The following COL27A1 variants were observed in gnomAD, a reference collection of about 807,000 sequenced individuals.
COL27A1 encodes the protein collagen alpha-1(XXVII) chain.
COL27A1 carries 106 observed loss-of-function variants against 251.3 expected under a neutral mutation model. That is an observed-to-expected ratio of 0.42 (90% CI 0.36 to 0.50). The LOEUF (loss-of-function observed/expected upper bound fraction) is 0.50, where lower values mean the gene tolerates loss of function less well. Ranked by LOEUF, COL27A1 falls within the 20% of genes least tolerant of loss-of-function variation. The probability of loss-of-function intolerance (pLI) is 0.00; values close to 1 mark genes in which losing one functional copy is unlikely to be tolerated. For synonymous variants in COL27A1, 1,000 were observed against 986.3 expected, an observed-to-expected ratio of 1.01 and a Z score of -0.26; for missense variants, 2,325 against 2,522.8, an observed-to-expected ratio of 0.92 and a Z score of 1.68.
intron 22 of COL27A1, among the ~76,000 whole-genome samples, chr9:114,242,440 C>T (rs1832823430): frequency 6.6e-6 from 1 of 152,258 alleles, no homozygotes; most frequent in South Asian, 2.1e-4. Flanking sequence ...CCAGGTGCTT[C>T]ATGTCAGTAT....
At chr9:114,299,340 C>G (rs1307252966) in intron 49 of COL27A1, among the ~76,000 whole-genome samples, 1 of 152,216 alleles carries the variant, frequency 6.6e-6, no homozygotes, top group African/African-American at 2.4e-5. Context: ...GAAGGCCAAG[C>G]CCCAAGAATG....
At chr9:114,268,453 G>A (rs754170027) in intron 34 of COL27A1, among the ~76,000 whole-genome samples, 2 of 152,176 alleles carry the variant, frequency 1.3e-5, no homozygotes, top group Admixed American at 6.5e-5. Context: ...TATGCAGGGG[G>A]CAGGTGACAT....
intron 57 of COL27A1, 93 bp downstream of exon 57, chr9:114,304,766 C>T (rs1828910289): frequency 9.3e-7 from 1 of 1,073,776 alleles, no homozygotes; most frequent in South Asian, 1.3e-5. Flanking sequence ...TCCATGTGGC[C>T]TGCATGGAGC....
chr9:114,177,281 TAAAGAG>T (rs1588592862), intron 3 of COL27A1, among the ~76,000 whole-genome samples: 2 of 152,314 alleles, frequency 1.3e-5, no homozygotes, highest in East Asian at 3.9e-4. Context: ...CCTTCCTGTG[TAAAGAG>T]AAAAGAGATG....
chr9:114,207,066 C>G (rs564162159), intron 10 of COL27A1, among the ~76,000 whole-genome samples: 1 of 152,332 alleles, frequency 6.6e-6, no homozygotes, highest in African/African-American at 2.4e-5. Context: ...TTACACTGCA[C>G]GCCTAAGGCG....
At chr9:114,196,526 A>G (rs1289076549) in intron 7 of COL27A1, among the ~76,000 whole-genome samples, 1 of 152,212 alleles carries the variant, frequency 6.6e-6, no homozygotes. Context: ...CCCTGGGGTC[A>G]GTTGGACCTG....
rs796293254 is a variant in COL27A1, at chr9:114,269,634, A to AAAAAAAAG, written c.3555+342_3555+343insAAAAAGAA. Among the ~76,000 whole-genome samples, 292 of 114,334 alleles carry AAAAAAAAG rather than the reference A, an allele frequency of 2.6e-3. 11 individuals carry two copies. Among genetic ancestry groups the AAAAAAAAG allele is most frequent in the African/African-American group, 7.2e-3 (170 of 23,460 alleles). The allele number at this position is 114,334 out of a possible 152,430, so 75.0% of individuals were successfully genotyped here. A position where few individuals can be genotyped will look rare whatever the true frequency, so the allele number is the denominator to read the frequency against. On this transcript the variant is annotated intron_variant, in intron 35 of 60. Transcript: ENST00000356083. ...CATCTCAAAAAAAAAAAAAAAAAAA[A>AAAAAAAAG]AAGAAGAAGAAGGATGTTGAGGTTC... is the stretch of plus-strand genomic sequence containing the variant.
chr9:114,265,567 G>A, intron 32 of COL27A1, 92 bp downstream of exon 32: 3 of 1,328,546 alleles, frequency 2.3e-6, no homozygotes, highest in Non-Finnish European at 3.2e-6. Context: ...GGTTGGAAAG[G>A]GACCATGCCT....
At chr9:114,303,937 C>T (rs1229853567) in intron 56 of COL27A1, among the ~76,000 whole-genome samples, 3 of 152,274 alleles carry the variant, frequency 2.0e-5, no homozygotes, top group Non-Finnish European at 4.4e-5. Context: ...CCCATCACAA[C>T]TGACATCTAT....
At position 114,168,718 on chromosome 9, in the gene COL27A1, C is replaced by T. The variant is rs150803564; in HGVS notation, c.1163C>T (p.Thr388Ile). 645 of 1,614,062 alleles carry T rather than the reference C, an allele frequency of 4.0e-4. 4 individuals are homozygous for T. In the East Asian group the frequency reaches 0.013, roughly 32 times the overall value. The change falls in exon 3 of 61, where the codon ACC (threonine) becomes ATC (isoleucine). Residue 388 changes from threonine to isoleucine, a missense_variant. Thr to Ile is a moderately conservative substitution (Grantham distance 89). Coordinates refer to ENST00000356083, the MANE Select transcript of COL27A1 (RefSeq NM_032888.4). ...SIVPIKSPHP[T>I]QKTAPSSFTK... is the part of the protein sequence containing the mutation. ...GTGCCCATCAAAAGCCCCCATCCTA[C>T]CCAGAAAACAGCTCCATCTTCATTT...
At chr9:114,212,914 T>G (rs1830459554) in intron 12 of COL27A1, among the ~76,000 whole-genome samples, 1 of 152,188 alleles carries the variant, frequency 6.6e-6, no homozygotes, top group Non-Finnish European at 1.5e-5. Flanking sequence ...GGATTTGACT[T>G]GCTTAGGCGA....
At chr9:114,155,388 T>C (rs540246330), upstream of COL27A1, among the ~76,000 whole-genome samples, 495 of 152,090 alleles carry the variant, frequency 3.3e-3, 5 homozygotes, top group African/African-American at 0.011. This position sits in a 1 kb window ranked among gnomAD's most constrained non-coding sequence, Gnocchi z 5.5. Flanking sequence ...CCATCGGGGC[T>C]GTAGTGGGCC....
At chr9:114,242,675 A>G (rs7875437) in intron 22 of COL27A1, among the ~76,000 whole-genome samples, 39,573 of 152,172 alleles carry the variant, frequency 0.26, 5,938 homozygotes, top group Middle Eastern at 0.39. Flanking sequence ...CCAGCAGCTC[A>G]TGAAATTTCT....
chr9:114,298,958 G>A (rs1033241453), intron 49 of COL27A1, among the ~76,000 whole-genome samples: 3 of 151,972 alleles, frequency 2.0e-5, no homozygotes, highest in East Asian at 1.9e-4. Flanking sequence ...AATTTAAAAC[G>A]GACAAAGTAT....
intron 27 of COL27A1, among the ~76,000 whole-genome samples, chr9:114,254,030 G>A (rs62555397): frequency 5.3e-4 from 80 of 152,258 alleles, no homozygotes; most frequent in African/African-American, 1.9e-3. Context: ...ATTTTTAGTA[G>A]AGATGGGGTT....
chr9:114,222,676 C>G (rs898812583), intron 14 of COL27A1, among the ~76,000 whole-genome samples: 1 of 152,094 alleles, frequency 6.6e-6, no homozygotes, highest in East Asian at 1.9e-4. Flanking sequence ...TGTTCCAGGT[C>G]CAGAGGGAGA....
At chr9:114,309,130 T>C in intron 59 of COL27A1, 130 bp from the exon 60 acceptor site, 1 of 777,846 alleles carries the variant, frequency 1.3e-6, no homozygotes, top group Non-Finnish European at 2.3e-6. Context: ...GGCACATGTC[T>C]GGGAGCATAT....
At chr9:114,307,201 G>A in intron 58 of COL27A1, 1 of 173,884 alleles carries the variant, frequency 5.8e-6, no homozygotes. Context: ...CCACTCTTGA[G>A]CTGCAAAGGT....
In COL27A1 at chr9:114,283,771, A is replaced by G. The variant is rs369109692; in HGVS notation, c.3933+9A>G. 1.2e-6 allele frequency: 2 copies of G among 1,613,832 alleles called. No homozygotes were observed. Among genetic ancestry groups the G allele is most frequent in the Non-Finnish European group, 1.7e-6 (2 of 1,179,910 alleles). On this transcript the variant is annotated intron_variant, in intron 40 of 60. Coordinates refer to ENST00000356083, the MANE Select transcript of COL27A1 (RefSeq NM_032888.4). ...GACTGGCTGGTTATGATGTAAGCAG[A>G]TATCACCTCACCCCACCCCCCGACT...
Sources: allele counts gnomAD v4.1 joint callset (sites outside exome capture counted in the v4.1 genomes callset), GRCh38; gene constraint gnomAD v4.1.1; non-coding constraint Gnocchi (gnomAD v3.1); transcripts MANE v1.5; gene names NCBI Gene and HGNC (gene_info 2026-07-23, HGNC 2026-07-21).